Variants in EYS observed in about 807,000 individuals in gnomAD.
EYS encodes protein eyes shut homolog.
A neutral mutation model predicts 282.1 loss-of-function variants in EYS; 250 were observed. The observed-to-expected ratio is 0.89, with a 90% CI of 0.80 to 0.98. EYS has a LOEUF of 0.98. EYS is among the 50% of genes least tolerant of loss of function. EYS has a pLI of 0.00. For missense variants in EYS, 4,016 were observed against 3,709.0 expected (o/e 1.08, Z -2.15); for synonymous variants, 1,355 against 1,282.9 (o/e 1.06, Z -1.20).
chr6:65,241,920 G>A (rs530782604), intron 12 of EYS, among the ~76,000 whole-genome samples: 6 of 151,916 alleles, frequency 3.9e-5, no homozygotes, highest in African/African-American at 1.4e-4. Flanking sequence ...GTGTATTTCA[G>A]AACAATGTAT....
chr6:65,219,948 C>T (rs891956288), intron 12 of EYS, among the ~76,000 whole-genome samples: 1 of 152,058 alleles, frequency 6.6e-6, no homozygotes, highest in Non-Finnish European at 1.5e-5. Flanking sequence ...CACTGGGTCC[C>T]TCCCACAACA....
At chr6:65,324,630 G>A (rs1562096925) in intron 11 of EYS, among the ~76,000 whole-genome samples, 1 of 152,174 alleles carries the variant, frequency 6.6e-6, no homozygotes, top group South Asian at 2.1e-4. Context: ...AAAGCATAGA[G>A]AAAATGGTAC....
chr6:64,034,187 G>C (rs1770002112), intron 33 of EYS, among the ~76,000 whole-genome samples: 1 of 152,108 alleles, frequency 6.6e-6, no homozygotes, highest in Non-Finnish European at 1.5e-5. Flanking sequence ...CAAAAATAAA[G>C]TTGAAGACAG....
intron 11 of EYS, among the ~76,000 whole-genome samples, chr6:65,320,240 C>G (rs1769435229): frequency 6.7e-6 from 1 of 150,126 alleles, no homozygotes. Flanking sequence ...GCGAGTCAGC[C>G]AATGAGAGAT....
At chr6:64,863,398 T>C (rs1220838007) in intron 19 of EYS, among the ~76,000 whole-genome samples, 5 of 152,224 alleles carry the variant, frequency 3.3e-5, no homozygotes, top group Non-Finnish European at 5.9e-5. Flanking sequence ...AATTCAAATG[T>C]CTATATTCTC....
chr6:64,654,372 A>C (rs191141896), intron 22 of EYS, among the ~76,000 whole-genome samples: 11 of 152,330 alleles, frequency 7.2e-5, no homozygotes, highest in African/African-American at 1.9e-4. Flanking sequence ...GCTAAGAAAC[A>C]TGCTACTGTT....
intron 2 of EYS, among the ~76,000 whole-genome samples, chr6:65,548,671 G>T (rs867271184): frequency 9.9e-5 from 15 of 152,222 alleles, no homozygotes; most frequent in Middle Eastern, 3.4e-3. Context: ...TGAACCCGAT[G>T]ATCTAAATTC....
rs536217134 is a variant in EYS, at chr6:65,518,887, G to A, written c.-332-22894C>T. ...CATGAGAACAGCATGAGAAAGACCC[G>A]CCCCCATAATTCAATTACCTCCCAC... On this transcript the variant is annotated intron_variant, in intron 2 of 42. Coordinates refer to ENST00000503581, the MANE Select transcript of EYS (RefSeq NM_001142800.2). Among the ~76,000 whole-genome samples, 4 of 152,086 alleles carry A rather than the reference G, an allele frequency of 2.6e-5. No individual in the cohort carries two copies. The East Asian group carries it at 7.7e-4, about 29-fold the overall frequency.
chr6:65,101,851 C>G (rs533791674), intron 12 of EYS, among the ~76,000 whole-genome samples: 1 of 151,362 alleles, frequency 6.6e-6, no homozygotes, highest in South Asian at 2.1e-4. Context: ...CCAGACAATA[C>G]TGTATGTTAC....
At chr6:65,221,804 A>T (rs1415047597) in intron 12 of EYS, among the ~76,000 whole-genome samples, 1 of 152,178 alleles carries the variant, frequency 6.6e-6, no homozygotes, top group Non-Finnish European at 1.5e-5. Context: ...AGCAGCTTGG[A>T]GGGGGGCTGT....
At chr6:65,636,440 T>G (rs966261309) in intron 2 of EYS, among the ~76,000 whole-genome samples, 3 of 152,206 alleles carry the variant, frequency 2.0e-5, no homozygotes, top group African/African-American at 7.2e-5. Flanking sequence ...ATTCTTTGTT[T>G]GCATTGCTCT....
intron 12 of EYS, among the ~76,000 whole-genome samples, chr6:65,111,124 A>T (rs1290426749): frequency 6.6e-6 from 1 of 151,760 alleles, no homozygotes; most frequent in Non-Finnish European, 1.5e-5. Context: ...TAATTACATT[A>T]AAAAAAAGAA....
At chr6:63,919,450 G>A (rs957959618) in intron 35 of EYS, among the ~76,000 whole-genome samples, 1 of 150,070 alleles carries the variant, frequency 6.7e-6, no homozygotes. Flanking sequence ...CTGGATAAAG[G>A]TATAATTTCC....
chr6:64,605,197 A>G (rs548326764), intron 24 of EYS, among the ~76,000 whole-genome samples: 21 of 149,458 alleles, frequency 1.4e-4, no homozygotes, highest in Non-Finnish European at 2.9e-4. Flanking sequence ...ACTTTTCACA[A>G]TGATTAAGTT....
Position 65,057,581 on chromosome 6 carries a change from G to GT in EYS, c.2137+32dup, listed in dbSNP as rs773327496. The GT allele has an allele frequency of 7.5e-5, 96 of 1,287,852 alleles. No individual in the cohort carries two copies. The African/African-American group carries it at 1.4e-3, about 19-fold the overall frequency. 79.8% of individuals were successfully genotyped at this position (1,287,852 alleles called of 1,614,324 possible). A position where few individuals can be genotyped will look rare whatever the true frequency, so the allele number is the denominator to read the frequency against. The stretch of plus-strand genomic sequence containing the variant: ...AGAAGTGCTTTTTAAAGTTAATTAT[G>GT]TTTGCTTTTCCTTATCCCTTGGTGT... On this transcript the variant is annotated intron_variant, in intron 13 of 42. Transcript: ENST00000503581.
At chr6:64,808,960 T>A (rs1026057884) in intron 22 of EYS, among the ~76,000 whole-genome samples, 4 of 152,130 alleles carry the variant, frequency 2.6e-5, no homozygotes, top group African/African-American at 4.8e-5. Context: ...ACTTGTGTAG[T>A]AATTTGACCC....
intron 35 of EYS, among the ~76,000 whole-genome samples, chr6:63,956,067 C>T (rs1290199866): frequency 6.6e-6 from 1 of 152,146 alleles, no homozygotes; most frequent in Non-Finnish European, 1.5e-5. Flanking sequence ...AGAAACATTG[C>T]CCATTATCTC....
At chr6:64,704,493 A>ATATAATACTTATAATTATATTATAAT (rs1554195051) in intron 22 of EYS, among the ~76,000 whole-genome samples, 95 of 12,556 alleles carry the variant, frequency 7.6e-3, no homozygotes, top group East Asian at 0.013. Context: ...TATAATTATA[A>ATATAATACTTATAATTATATTATAAT]TATAATACTT....
intron 26 of EYS, among the ~76,000 whole-genome samples, chr6:64,496,226 TAGGA>T (rs1350647129): frequency 2.6e-5 from 4 of 151,944 alleles, no homozygotes; most frequent in Admixed American, 2.6e-4. Context: ...GAATATTAAG[TAGGA>T]AACTTTGATT....
Sources: gnomAD v4.1 joint callset for allele counts (sites outside exome capture counted in the v4.1 genomes callset) on GRCh38, gnomAD v4.1.1 for gene constraint, MANE v1.5 for transcripts, NCBI Gene and HGNC (gene_info 2026-07-23, HGNC 2026-07-21) for gene names.